The following GRID2 variants were observed in gnomAD, a reference collection of about 807,000 sequenced individuals.
GRID2 encodes the protein glutamate receptor ionotropic, delta-2.
A neutral mutation model predicts 114.8 loss-of-function variants in GRID2; 33 were observed. That is an observed-to-expected ratio of 0.29 (90% CI 0.22 to 0.38). The LOEUF is 0.38. Among genes scored for constraint, GRID2 ranks in the 10% least tolerant of loss-of-function variants. GRID2 has a pLI of 1.00. For synonymous variants in GRID2, 505 were observed against 449.9 expected (o/e 1.12, Z -1.55); for missense variants, 1,184 against 1,257.7 (o/e 0.94, Z 0.89).
intron 2 of GRID2, among the ~76,000 whole-genome samples, chr4:92,881,336 C>G (rs1020772611): frequency 1.3e-5 from 2 of 152,140 alleles, no homozygotes; most frequent in African/African-American, 4.8e-5. Flanking sequence ...TTCATGATGC[C>G]ATCTTCACCT....
Position 92,448,090 on chromosome 4 carries a change from G to T in GRID2, c.89-142041G>T, listed in dbSNP as rs777310939. 9.9e-5 allele frequency among the ~76,000 whole-genome samples: 15 copies of T among 152,022 alleles called. 1 individual carries two copies. The highest frequency in any genetic ancestry group is 1.9e-4 in the Non-Finnish European group (13 of 68,010). On this transcript the variant is annotated intron_variant, in intron 1 of 15. Transcript: ENST00000282020. ...AAATGACCAGTGCAAAGACATGCTT[G>T]GGTAAAGCTTTTCTGTAGAGTAGTA...
intron 1 of GRID2, among the ~76,000 whole-genome samples, chr4:92,348,090 G>C (rs1370258900): frequency 6.6e-6 from 1 of 152,158 alleles, no homozygotes; most frequent in South Asian, 2.1e-4. Context: ...CAAATAGCTG[G>C]GACCACAGTC....
intron 1 of GRID2, among the ~76,000 whole-genome samples, chr4:92,456,521 C>A (rs73840608): frequency 0.022 from 3,361 of 152,148 alleles, 132 homozygotes; most frequent in African/African-American, 0.076. Context: ...TCACTGAATA[C>A]ACTAGGTAGT....
chr4:92,434,691 A>G (rs978279828), intron 1 of GRID2, among the ~76,000 whole-genome samples: 6 of 152,102 alleles, frequency 3.9e-5, no homozygotes, highest in African/African-American at 1.4e-4. Flanking sequence ...ATAACTTCTA[A>G]TATATTTGAA....
At chr4:92,409,159 C>T (rs1054690844) in intron 1 of GRID2, among the ~76,000 whole-genome samples, 3 of 151,832 alleles carry the variant, frequency 2.0e-5, no homozygotes, top group East Asian at 1.9e-4. Flanking sequence ...CCTAGTTGGT[C>T]GAGGGTTTTT....
At chr4:92,360,608 C>T (rs1485490953) in intron 1 of GRID2, among the ~76,000 whole-genome samples, 4 of 151,928 alleles carry the variant, frequency 2.6e-5, no homozygotes, top group Non-Finnish European at 5.9e-5. Context: ...CATTCCACAG[C>T]CACCCAGCAT....
At chr4:92,675,925 C>T (rs913540836) in intron 2 of GRID2, among the ~76,000 whole-genome samples, 7 of 151,828 alleles carry the variant, frequency 4.6e-5, no homozygotes, top group Non-Finnish European at 1.0e-4. Flanking sequence ...TGGAGGTCAC[C>T]TAATATGTTT....
At chr4:93,124,052 C>T (rs1734040597) in intron 4 of GRID2, among the ~76,000 whole-genome samples, 1 of 143,038 alleles carries the variant, frequency 7.0e-6, no homozygotes, top group Non-Finnish European at 1.5e-5. Flanking sequence ...CACATGTATA[C>T]ATATGTAACT....
chr4:92,893,174 T>A (rs180757320), intron 2 of GRID2, among the ~76,000 whole-genome samples: 1 of 152,186 alleles, frequency 6.6e-6, no homozygotes, highest in African/African-American at 2.4e-5. Flanking sequence ...ATTTTTTTTC[T>A]GAGTATAGTG....
intron 5 of GRID2, among the ~76,000 whole-genome samples, chr4:93,215,687 A>G: frequency 6.6e-6 from 1 of 152,112 alleles, no homozygotes; most frequent in East Asian, 1.9e-4. Flanking sequence ...TCATATATAA[A>G]GGACGATTTT....
At chr4:92,695,346 ATTC>A (rs1286346493) in intron 2 of GRID2, among the ~76,000 whole-genome samples, 1 of 152,024 alleles carries the variant, frequency 6.6e-6, no homozygotes, top group East Asian at 1.9e-4. Context: ...TCCTCTTTTT[ATTC>A]TTCTTATTCT....
chr4:92,756,203 T>C (rs915812864), intron 2 of GRID2, among the ~76,000 whole-genome samples: 4 of 152,168 alleles, frequency 2.6e-5, no homozygotes, highest in African/African-American at 9.7e-5. Flanking sequence ...TATTTGTCTT[T>C]CTGTATCTGG....
chr4:92,900,584 A>C (rs1747491609), intron 2 of GRID2, among the ~76,000 whole-genome samples: 1 of 152,172 alleles, frequency 6.6e-6, no homozygotes. Flanking sequence ...TAATCCCAGC[A>C]CTTTGGGAGG....
chr4:92,507,379 T>C (rs1039254710), intron 1 of GRID2, among the ~76,000 whole-genome samples: 3 of 151,032 alleles, frequency 2.0e-5, no homozygotes, highest in Non-Finnish European at 3.0e-5. Flanking sequence ...TCCCACTGCC[T>C]ACTCCACTGC....
At chr4:92,405,811 G>A (rs1180086094) in intron 1 of GRID2, among the ~76,000 whole-genome samples, 1 of 151,934 alleles carries the variant, frequency 6.6e-6, no homozygotes, top group Non-Finnish European at 1.5e-5. Context: ...TAGAAATACG[G>A]TATAAATCAT....
intron 6 of GRID2, among the ~76,000 whole-genome samples, chr4:93,220,436 G>T (rs1309847392): frequency 6.6e-6 from 1 of 152,056 alleles, no homozygotes; most frequent in East Asian, 1.9e-4. Flanking sequence ...TCTGGCCTCA[G>T]ACAGAAAGCA....
chr4:93,449,584 A>G (rs1449606217), intron 10 of GRID2, among the ~76,000 whole-genome samples: 1 of 152,064 alleles, frequency 6.6e-6, no homozygotes, highest in Non-Finnish European at 1.5e-5. Context: ...ATGTATTTTG[A>G]GTTCAATAAT....
chr4:93,583,737 C>T (rs927661504), intron 13 of GRID2, among the ~76,000 whole-genome samples: 2 of 152,094 alleles, frequency 1.3e-5, no homozygotes, highest in Admixed American at 6.6e-5. Flanking sequence ...TCCATTCTGT[C>T]CAAGGCCGTT....
chr4:93,087,034 A>AT (rs1311801453), intron 3 of GRID2, among the ~76,000 whole-genome samples: 2 of 151,120 alleles, frequency 1.3e-5, no homozygotes. Flanking sequence ...TTATTTATTT[A>AT]TTTATTTATT....
Sources: allele counts gnomAD v4.1 joint callset (sites outside exome capture counted in the v4.1 genomes callset), GRCh38; gene constraint gnomAD v4.1.1; transcripts MANE v1.5; gene names NCBI Gene and HGNC (gene_info 2026-07-23, HGNC 2026-07-21).